GSG1L: variants seen among roughly 807,000 people sequenced by gnomAD.
The protein encoded by GSG1L is germ cell-specific gene 1-like protein.
A neutral mutation model predicts 42.1 loss-of-function variants in GSG1L; 24 were observed. The observed-to-expected ratio is 0.57, with a 90% CI of 0.41 to 0.80. The LOEUF (loss-of-function observed/expected upper bound fraction) is 0.80, where lower values mean the gene tolerates loss of function less well. GSG1L is among the 30% of genes least tolerant of loss of function. GSG1L has a pLI of 0.00. For synonymous variants in GSG1L, 215 were observed against 203.5 expected (o/e 1.06, Z -0.48); for missense variants, 445 against 472.2 (o/e 0.94, Z 0.53).
At chr16:27,954,195 T>A (rs2084981517) in intron 2 of GSG1L, among the ~76,000 whole-genome samples, 5 of 152,062 alleles carry the variant, frequency 3.3e-5, no homozygotes, top group Admixed American at 3.3e-4. Context: ...AGGCCACTGC[T>A]CTCTTTCAAT....
Position 27,967,710 on chromosome 16 carries a change from C to T in GSG1L, c.350-4507G>A, listed in dbSNP as rs533051185. On this transcript the variant is annotated intron_variant, in intron 1 of 6. Coordinates refer to ENST00000447459, the MANE Select transcript of GSG1L (RefSeq NM_001109763.2). ...GGAGGATCACTTGAGCCCAGGAGTT[C>T]GAGACCAGCCTGGCCAACACGGAGA... 1.3e-4 allele frequency among the ~76,000 whole-genome samples: 20 copies of T among 152,262 alleles called. No homozygotes were observed. In the South Asian group the frequency reaches 3.9e-3, roughly 30 times the overall value.
intron 2 of GSG1L, among the ~76,000 whole-genome samples, chr16:27,921,883 A>G (rs1307126631): frequency 6.6e-6 from 1 of 152,196 alleles, no homozygotes; most frequent in Non-Finnish European, 1.5e-5. Flanking sequence ...CTGGGGCATC[A>G]GAATGTCACT....
chr16:27,950,636 C>T (rs1002550217), intron 2 of GSG1L, among the ~76,000 whole-genome samples: 1 of 151,988 alleles, frequency 6.6e-6, no homozygotes, highest in Non-Finnish European at 1.5e-5. Context: ...CCTCGGAAGC[C>T]TAGAGGCTGA....
At chr16:27,887,363 A>G (rs4788001) in intron 2 of GSG1L, among the ~76,000 whole-genome samples, 92,831 of 152,094 alleles carry the variant, frequency 0.61, 28,859 homozygotes, top group Admixed American at 0.73. Context: ...CAGTGCCAAG[A>G]GAGGCAGAGC....
chr16:27,899,921 G>C (rs1296616919), intron 2 of GSG1L, among the ~76,000 whole-genome samples: 2 of 152,186 alleles, frequency 1.3e-5, no homozygotes, highest in African/African-American at 4.8e-5. Flanking sequence ...GTCCAACTGG[G>C]TGATGTGGAT....
chr16:27,973,145 C>T (rs1295070464), intron 1 of GSG1L, among the ~76,000 whole-genome samples: 11 of 151,942 alleles, frequency 7.2e-5, no homozygotes. Flanking sequence ...AGATGCAATG[C>T]CTGGAAAAAA....
chr16:27,984,685 C>T (rs764026424), intron 1 of GSG1L, among the ~76,000 whole-genome samples: 31 of 151,808 alleles, frequency 2.0e-4, no homozygotes, highest in Non-Finnish European at 3.8e-4. Context: ...GACTGAAACA[C>T]CTTTTTAAAA....
At chr16:27,868,897 G>A (rs894866584) in intron 3 of GSG1L, among the ~76,000 whole-genome samples, 2 of 152,188 alleles carry the variant, frequency 1.3e-5, no homozygotes, top group African/African-American at 4.8e-5. Flanking sequence ...AAGGCATCTT[G>A]AGTTTCAGCC....
intron 1 of GSG1L, among the ~76,000 whole-genome samples, chr16:27,990,864 T>TGGGATGGCA (rs940007081): frequency 6.6e-6 from 1 of 152,198 alleles, no homozygotes; most frequent in African/African-American, 2.4e-5. Context: ...CTGGGTCAAA[T>TGGGATGGCA]GGTATGTAAC....
chr16:28,048,073 A>T (rs189543376), intron 1 of GSG1L, among the ~76,000 whole-genome samples: 40,731 of 148,832 alleles, frequency 0.27, 6,192 homozygotes, highest in Non-Finnish European at 0.34. Flanking sequence ...AAAAAAAAAA[A>T]TTTTAATTAG....
intron 1 of GSG1L, among the ~76,000 whole-genome samples, chr16:28,004,137 G>A (rs1237116738): frequency 1.3e-5 from 2 of 152,120 alleles, no homozygotes; most frequent in African/African-American, 2.4e-5. Flanking sequence ...GGTGAGTGGG[G>A]GCTGAGTTTG....
intron 1 of GSG1L, among the ~76,000 whole-genome samples, chr16:28,032,635 C>T (rs1230079385): frequency 1.3e-5 from 2 of 152,088 alleles, no homozygotes; most frequent in African/African-American, 4.8e-5. Flanking sequence ...TTTAAGATCG[C>T]TTCCTTCCCA....
At chr16:27,826,715 C>T (rs2083213408) in intron 5 of GSG1L, among the ~76,000 whole-genome samples, 1 of 152,230 alleles carries the variant, frequency 6.6e-6, no homozygotes, top group Non-Finnish European at 1.5e-5. Context: ...CACCAACACC[C>T]ACCAACTCCT....
intron 3 of GSG1L, among the ~76,000 whole-genome samples, chr16:27,874,675 C>T (rs1217307231): frequency 6.6e-6 from 1 of 151,980 alleles, no homozygotes; most frequent in East Asian, 1.9e-4. Flanking sequence ...TGTCCTGATT[C>T]CACAAAGAGA....
chr16:27,846,649 G>A (rs2083446406), intron 3 of GSG1L, among the ~76,000 whole-genome samples: 1 of 152,114 alleles, frequency 6.6e-6, no homozygotes, highest in African/African-American at 2.4e-5. Context: ...GCATTTTAAA[G>A]ATTCTGCTTC....
chr16:27,978,780 A>T (rs2141122240), intron 1 of GSG1L, among the ~76,000 whole-genome samples: 1 of 150,204 alleles, frequency 6.7e-6, no homozygotes, highest in Non-Finnish European at 1.5e-5. Context: ...TTAAATATAT[A>T]TATTTGTTTG....
chr16:28,012,059 C>T (rs2085726144), intron 1 of GSG1L, among the ~76,000 whole-genome samples: 1 of 152,072 alleles, frequency 6.6e-6, no homozygotes, highest in South Asian at 2.1e-4. Context: ...TAAGTCCAAA[C>T]TCCCTGACAC....
intron 1 of GSG1L, among the ~76,000 whole-genome samples, chr16:28,046,221 G>T (rs1221412400): frequency 1.3e-5 from 2 of 152,032 alleles, no homozygotes; most frequent in Admixed American, 6.6e-5. Flanking sequence ...TGAGGGGAAA[G>T]GTTTAAACCT....
chr16:28,046,931 A>G (rs1466864738), intron 1 of GSG1L, among the ~76,000 whole-genome samples: 1 of 152,188 alleles, frequency 6.6e-6, no homozygotes, highest in Non-Finnish European at 1.5e-5. Context: ...TTTGTGTATC[A>G]TGCACACGCA....
Sources: gnomAD v4.1 joint callset for allele counts (sites outside exome capture counted in the v4.1 genomes callset) on GRCh38, gnomAD v4.1.1 for gene constraint, MANE v1.5 for transcripts, NCBI Gene and HGNC (gene_info 2026-07-23, HGNC 2026-07-21) for gene names.